The following CTCF variants were observed in gnomAD, a reference collection of about 807,000 sequenced individuals.
CTCF encodes transcriptional repressor CTCF.
In CTCF, 7 loss-of-function variants were observed where a neutral mutation model predicts 72.3. That is an observed-to-expected ratio of 0.10 (90% CI 0.06 to 0.18). The LOEUF (loss-of-function observed/expected upper bound fraction) is 0.18. CTCF is among the 10% of genes least tolerant of loss of function. The pLI, the probability that CTCF is intolerant of heterozygous loss-of-function variation, is 1.00. For synonymous variants in CTCF, 374 were observed against 315.8 expected (o/e 1.18, Z -1.95); for missense variants, 516 against 949.1 (o/e 0.54, Z 6.00).
intron 2 of CTCF, among the ~76,000 whole-genome samples, chr16:67,576,186 T>G (rs1186161404): frequency 7.3e-6 from 1 of 136,696 alleles, no homozygotes; most frequent in African/African-American, 2.7e-5. Flanking sequence ...ACCAGCAAAA[T>G]GCTTATGAGA....
intron 4 of CTCF, chr16:67,615,058 C>T (rs924987791): frequency 2.0e-5 from 3 of 152,232 alleles, no homozygotes; most frequent in African/African-American, 7.2e-5. Context: ...AAGAGAATTA[C>T]TTCAACCTGG....
intron 1 of CTCF, among the ~76,000 whole-genome samples, chr16:67,570,505 G>A (rs1281018011): frequency 1.3e-5 from 2 of 151,386 alleles, no homozygotes; most frequent in Non-Finnish European, 2.9e-5. Flanking sequence ...CTGGAGTGCC[G>A]TGGTGCGATC....
intron 1 of CTCF, chr16:67,568,604 G>A (rs2051372230): frequency 6.6e-6 from 1 of 152,260 alleles, no homozygotes; most frequent in Admixed American, 6.5e-5. Context: ...GGCCAGGGTG[G>A]TCTCGAACTC....
intron 2 of CTCF, among the ~76,000 whole-genome samples, chr16:67,601,329 GTGTGTGTGTTT>G (rs1165599151): frequency 1.4e-5 from 2 of 143,358 alleles, no homozygotes; most frequent in African/African-American, 5.0e-5. Context: ...GTGTGTGTGT[GTGTGTGTGTTT>G]TGTTTTGTTT....
At chr16:67,564,159 A>G (rs887578281) in intron 1 of CTCF, among the ~76,000 whole-genome samples, 7 of 152,372 alleles carry the variant, frequency 4.6e-5, no homozygotes, top group Admixed American at 3.9e-4. Context: ...AACAAGGCAT[A>G]TATTTAAATT....
chr16:67,619,263 C>T (rs1013958719), intron 5 of CTCF, among the ~76,000 whole-genome samples: 24 of 152,092 alleles, frequency 1.6e-4, no homozygotes, highest in Non-Finnish European at 3.2e-4. Flanking sequence ...TGGTGAAACC[C>T]CGTCTCTACT....
At chr16:67,609,364 TTA>T (rs912818331) in intron 2 of CTCF, among the ~76,000 whole-genome samples, 4 of 152,202 alleles carry the variant, frequency 2.6e-5, no homozygotes, top group African/African-American at 7.2e-5. Context: ...CCCACTGAAA[TTA>T]TATGTCCTTT....
At chr16:67,594,242 A>C (rs978854748) in intron 2 of CTCF, among the ~76,000 whole-genome samples, 1 of 151,976 alleles carries the variant, frequency 6.6e-6, no homozygotes, top group Non-Finnish European at 1.5e-5. Flanking sequence ...AAATGAACCA[A>C]GTATGGTGGC....
rs562376586 is a variant in CTCF, at chr16:67,639,164, G to A, written c.*1292G>A. ...TGCTGTACAGCTAATAAATCATAAC[G>A]GATTAACAAGTGCTCCAAAGACTCC... is the stretch of plus-strand genomic sequence containing the variant. On this transcript the variant is annotated 3_prime_UTR_variant, in exon 12 of 12. Coordinates refer to ENST00000264010, the MANE Select transcript of CTCF (RefSeq NM_006565.4). The A allele has an allele frequency of 1.3e-4, 25 of 188,208 alleles. No individual in the cohort carries two copies. Among genetic ancestry groups the A allele is most frequent in the Admixed American group, 8.0e-4 (13 of 16,190 alleles). The allele number at this position is 188,208 out of a possible 1,614,324, so 11.7% of individuals were successfully genotyped here.
At chr16:67,591,786 G>T (rs1448347942) in intron 2 of CTCF, among the ~76,000 whole-genome samples, 1 of 152,024 alleles carries the variant, frequency 6.6e-6, no homozygotes, top group Non-Finnish European at 1.5e-5. Context: ...GTGGTGTGAT[G>T]ATAGCTTACT....
At chr16:67,620,977 G>A (rs759510492) in intron 6 of CTCF, 160 bp downstream of exon 6, 2 of 548,418 alleles carry the variant, frequency 3.6e-6, no homozygotes, top group Non-Finnish European at 5.7e-6. Context: ...CTCTGAATTC[G>A]TTGTTCAGAA....
intron 10 of CTCF, 123 bp downstream of exon 10, chr16:67,629,656 C>A: frequency 5.9e-6 from 5 of 841,448 alleles, no homozygotes; most frequent in Non-Finnish European, 6.7e-6. Context: ...CTTTAAACTT[C>A]TCATCTCCTA....
intron 7 of CTCF, among the ~76,000 whole-genome samples, chr16:67,623,053 C>T (rs1270982992): frequency 6.6e-6 from 1 of 151,732 alleles, no homozygotes; most frequent in Non-Finnish European, 1.5e-5. Context: ...CCTCCGCCTC[C>T]TGGGTTCAAG....
At chr16:67,636,573 A>G (rs1182188460) in intron 10 of CTCF, 117 bp from the exon 11 acceptor site, 9 of 273,756 alleles carry the variant, frequency 3.3e-5, no homozygotes, top group East Asian at 9.9e-5. Context: ...GAAAGTGTAT[A>G]TATATATATA....
chr16:67,616,595 C>T (rs925206639), intron 4 of CTCF, 150 bp from the exon 5 acceptor site: 48 of 795,444 alleles, frequency 6.0e-5, no homozygotes, highest in Middle Eastern at 2.7e-4. Flanking sequence ...CCATAGTTTT[C>T]GGAGCTGACT....
At chr16:67,600,330 C>A (rs1461514204) in intron 2 of CTCF, among the ~76,000 whole-genome samples, 2 of 151,950 alleles carry the variant, frequency 1.3e-5, no homozygotes, top group Non-Finnish European at 2.9e-5. Context: ...CCTCTGTGTC[C>A]TAGGCTCAAA....
chr16:67,602,773 G>A (rs898547169), intron 2 of CTCF, among the ~76,000 whole-genome samples: 2 of 150,970 alleles, frequency 1.3e-5, no homozygotes, highest in South Asian at 2.1e-4. Flanking sequence ...CCCAGGAGTC[G>A]GAGGTTGTGT....
chr16:67,601,864 A>AT (rs36009199), intron 2 of CTCF, among the ~76,000 whole-genome samples: 32,473 of 135,040 alleles, frequency 0.24, 4,743 homozygotes, highest in East Asian at 0.51. Flanking sequence ...TTTACAAGCA[A>AT]TTTTTTTTTT....
At position 67,611,388 on chromosome 16, in the gene CTCF, C is replaced by G. The variant is rs2052060301; in HGVS notation, c.556C>G (p.Gln186Glu). 1 of 1,613,964 alleles carries G rather than the reference C, an allele frequency of 6.2e-7. No individual in the cohort carries two copies. Among genetic ancestry groups the G allele is most frequent in the African/African-American group, 1.3e-5 (1 of 74,886 alleles). Residue 186 changes from glutamine (Q) to glutamate (E), a missense_variant, in exon 3 of 12, where the codon CAG (glutamine) becomes GAG (glutamate). Around this residue, in one of 7 missense-constraint regions of CTCF, gnomAD observed 53 missense variants for 63.6 expected, o/e 0.83. Transcript: ENST00000264010. Reference sequence around the variant, plus strand: ...ACTAGAACAAGGGGAACTTCCACCCCAGGAAGATCCTAGTTGGCAAAAAGA... The same window carrying G: ...ACTAGAACAAGGGGAACTTCCACCCGAGGAAGATCCTAGTTGGCAAAAAGA... ...ETLEQGELPP[Q>E]EDPSWQKDPD...
Sources: allele counts gnomAD v4.1 joint callset (sites outside exome capture counted in the v4.1 genomes callset), GRCh38; gene constraint gnomAD v4.1.1; regional missense constraint gnomAD v4.1.1; transcripts MANE v1.5; gene names NCBI Gene and HGNC (gene_info 2026-07-23, HGNC 2026-07-21).